ANO1: variants seen among roughly 807,000 people sequenced by gnomAD.
The protein encoded by ANO1 is anoctamin 1.
A neutral mutation model predicts 124.0 loss-of-function variants in ANO1; 59 were observed. The observed-to-expected ratio is 0.48, with a 90% confidence interval of 0.39 to 0.59. The LOEUF is 0.59. Ranked by LOEUF, ANO1 falls within the 20% of genes least tolerant of loss-of-function variation. The pLI is 0.00. For missense variants in ANO1, 1,059 were observed against 1,328.0 expected (o/e 0.80, Z 3.15); for synonymous variants, 529 against 532.0 (o/e 0.99, Z 0.08).
intron 1 of ANO1, among the ~76,000 whole-genome samples, chr11:70,019,385 T>C (rs1375179818): frequency 6.6e-6 from 1 of 151,866 alleles, no homozygotes; most frequent in Non-Finnish European, 1.5e-5. Context: ...AGGAAAGGGA[T>C]GTTCTAAAGG....
intron 18 of ANO1, 57 bp from the exon 19 acceptor site, chr11:70,163,226 T>C (rs2048124042): frequency 6.3e-7 from 1 of 1,579,644 alleles, no homozygotes. Context: ...TGGGGGTCTC[T>C]CCCCGAGCTG....
intron 18 of ANO1, among the ~76,000 whole-genome samples, chr11:70,162,159 G>A (rs2048076414): frequency 6.8e-6 from 1 of 148,116 alleles, no homozygotes; most frequent in Non-Finnish European, 1.5e-5. Flanking sequence ...GTGAGGACCC[G>A]GGAGTGAGGG....
upstream of ANO1, among the ~76,000 whole-genome samples, chr11:70,076,193 C>T (rs2044054177): frequency 1.3e-5 from 2 of 152,226 alleles, no homozygotes; most frequent in South Asian, 2.1e-4. Context: ...TGGAGTCTTA[C>T]AGGCAAGCAG....
At chr11:69,982,478 T>G (rs1418036594), upstream of ANO1, among the ~76,000 whole-genome samples, 1 of 152,212 alleles carries the variant, frequency 6.6e-6, no homozygotes, top group Non-Finnish European at 1.5e-5. Context: ...TGCATTTCAG[T>G]GTTCTACCAT....
At chr11:70,085,982 G>T (rs2044361312) in intron 1 of ANO1, among the ~76,000 whole-genome samples, 1 of 152,378 alleles carries the variant, frequency 6.6e-6, no homozygotes, top group East Asian at 1.9e-4. Flanking sequence ...GGCCAGCGAG[G>T]CCCAAGCACA....
chr11:70,117,532 C>T (rs2046036625), intron 8 of ANO1, among the ~76,000 whole-genome samples: 1 of 152,166 alleles, frequency 6.6e-6, no homozygotes, highest in Admixed American at 6.5e-5. Flanking sequence ...GAACATGTCC[C>T]CACCACATCC....
intron 1 of ANO1, chr11:70,085,567 G>C: frequency 6.5e-7 from 1 of 1,535,972 alleles, no homozygotes; most frequent in Non-Finnish European, 8.7e-7. Context: ...TTCCAGGAGA[G>C]GCATCCTAGG....
At chr11:70,163,991 T>C (rs2048156053) in intron 19 of ANO1, among the ~76,000 whole-genome samples, 1 of 148,784 alleles carries the variant, frequency 6.7e-6, no homozygotes, top group African/African-American at 2.5e-5. Flanking sequence ...CTTGGCTAAC[T>C]TTTTTTTTTA....
chr11:69,986,403 C>CA (rs1565154310), intron 1 of ANO1, among the ~76,000 whole-genome samples: 1 of 151,754 alleles, frequency 6.6e-6, no homozygotes, highest in East Asian at 2.0e-4. Flanking sequence ...GACAAACAGA[C>CA]GACAGACAGA....
intron 1 of ANO1, among the ~76,000 whole-genome samples, chr11:70,058,415 G>A (rs183878094): frequency 0.011 from 1,615 of 152,332 alleles, 28 homozygotes; most frequent in African/African-American, 0.037. Flanking sequence ...AGGCCTTGGC[G>A]GTTTTGGAGG....
chr11:70,050,862 G>A (rs1402254352), intron 1 of ANO1, among the ~76,000 whole-genome samples: 1 of 152,138 alleles, frequency 6.6e-6, no homozygotes, highest in Non-Finnish European at 1.5e-5. Context: ...ATACTAACAA[G>A]GTTATAGGAA....
rs990809447 is a variant in ANO1 at position 70,132,090 on chromosome 11, C to A, written c.1258+11C>A. 6.3e-7 allele frequency: 1 copy of A among 1,575,526 alleles called. No individual in the cohort carries two copies. The highest frequency in any genetic ancestry group is 1.8e-5 in the Admixed American group (1 of 56,714). ...TCATGGCCCTCTGGGGTAAGCAGGG[C>A]TCCAGAGCACTGGGTTTTTGGGCAG... is the stretch of plus-strand genomic sequence containing the variant. On this transcript the variant is annotated intron_variant, in intron 11 of 25. Coordinates refer to ENST00000355303, the MANE Select transcript of ANO1 (RefSeq NM_018043.7).
At chr11:70,036,537 G>T (rs1230571088) in intron 1 of ANO1, among the ~76,000 whole-genome samples, 8 of 152,120 alleles carry the variant, frequency 5.3e-5, no homozygotes, top group African/African-American at 1.9e-4. Flanking sequence ...GACAAAAAGG[G>T]CTGAGGACCC....
intron 1 of ANO1, among the ~76,000 whole-genome samples, chr11:70,063,299 A>G (rs1857637650): frequency 6.6e-6 from 1 of 152,166 alleles, no homozygotes; most frequent in Non-Finnish European, 1.5e-5. Context: ...GAGGGTAGAG[A>G]AAGGCAAGAT....
At chr11:69,972,711 C>T in the ANO1 span, among the ~76,000 whole-genome samples, 12 of 152,028 alleles carry the variant, frequency 7.9e-5, no homozygotes, top group Non-Finnish European at 1.8e-4. Flanking sequence ...ACCCTGACAG[C>T]ACGCCTCAGA....
Position 70,171,014 on chromosome 11 carries a change from G to A in ANO1, c.2325G>A (p.Pro775=), listed in dbSNP as rs375364136. The A allele has an allele frequency of 6.8e-5, 109 of 1,611,996 alleles. No homozygotes were observed. In the African/African-American group the frequency reaches 9.1e-4, roughly 13 times the overall value. ...AGTTTGTCACTGAGCTCCGAAGGCCGGTAGCTGTCAGAGCCAAAGACATCG... is the reference window on the plus strand; with the variant it reads ...AGTTTGTCACTGAGCTCCGAAGGCCAGTAGCTGTCAGAGCCAAAGACATCG... The part of the protein sequence containing the change: ...AKKFVTELRR[P]VAVRAKDIGI... Residue 775 remains proline, a synonymous_variant, in exon 22 of 26, where the codon CCG becomes CCA. Coordinates refer to ENST00000355303, the MANE Select transcript of ANO1 (RefSeq NM_018043.7).
chr11:70,162,418 G>A (rs540648858), intron 18 of ANO1, among the ~76,000 whole-genome samples: 1 of 152,272 alleles, frequency 6.6e-6, no homozygotes, highest in East Asian at 1.9e-4. Flanking sequence ...ACGGCAGGTA[G>A]GGAGGAGTCC....
At chr11:70,177,845 A>C (rs2048784187) in intron 22 of ANO1, among the ~76,000 whole-genome samples, 2 of 152,068 alleles carry the variant, frequency 1.3e-5, no homozygotes, top group Non-Finnish European at 2.9e-5. Context: ...GTGATCCACC[A>C]ACCTCAGCCT....
rs757305833 is a variant in ANO1 at position 70,161,605 on chromosome 11, C to T, written c.1781-17C>T. 6.2e-7 allele frequency: 1 copy of T among 1,612,256 alleles called. No individual in the cohort carries two copies. The highest frequency in any genetic ancestry group is 8.5e-7 in the Non-Finnish European group (1 of 1,178,322). On this transcript the variant is annotated splice_polypyrimidine_tract_variant and intron_variant, in intron 17 of 25. Transcript: ENST00000355303. The stretch of plus-strand genomic sequence containing the variant: ...ATCCCAGCCACAGCCTCAGTATCAT[C>T]CTACCCCTCCCTCTAGAGGTCCCAA...
Sources: gnomAD v4.1 joint callset for allele counts (sites outside exome capture counted in the v4.1 genomes callset) on GRCh38, gnomAD v4.1.1 for gene constraint, MANE v1.5 for transcripts, NCBI Gene and HGNC (gene_info 2026-07-23, HGNC 2026-07-21) for gene names.